H2AZ2: variants seen among roughly 807,000 people sequenced by gnomAD.
The protein encoded by H2AZ2 is histone H2A.V.
Under a neutral mutation model 15.5 loss-of-function variants are expected in H2AZ2, and 5 were observed. The observed-to-expected ratio is 0.32, with a 90% CI of 0.17 to 0.68. The LOEUF is 0.68. Among genes scored for constraint, H2AZ2 ranks in the 30% least tolerant of loss-of-function variants. The probability of loss-of-function intolerance (pLI) is 0.72; values close to 1 mark genes in which losing one functional copy is unlikely to be tolerated. For synonymous variants in H2AZ2, 44 were observed against 57.4 expected (o/e 0.77, Z 1.05); for missense variants, 42 against 162.5 (o/e 0.26, Z 4.03).
chr7:44,834,431 T>A lies in H2AZ2; in HGVS notation c.*70A>T. 2 of 1,544,788 alleles carry A rather than the reference T, an allele frequency of 1.3e-6. No individual in the cohort carries two copies. Among genetic ancestry groups the A allele is most frequent in the East Asian group, 4.5e-5 (2 of 44,010 alleles). ...TAACTGTTGTTAAAAATTCCACATA[T>A]CCCCATTATTTCTTCTGTCCCAGTT... On this transcript the variant is annotated 3_prime_UTR_variant, in exon 5 of 5. Coordinates refer to ENST00000308153, the MANE Select transcript of H2AZ2 (RefSeq NM_012412.5).
chr7:44,837,433 GAAA>G (rs71011996), intron 3 of H2AZ2, among the ~76,000 whole-genome samples: 10,520 of 87,430 alleles, frequency 0.12, 433 homozygotes, highest in Non-Finnish European at 0.13. Flanking sequence ...AAAAAAAAAA[GAAA>G]AAAAAAAAAA....
chr7:44,837,831 A>AG (rs61670696), intron 3 of H2AZ2, among the ~76,000 whole-genome samples: 134 of 53,976 alleles, frequency 2.5e-3, no homozygotes, highest in East Asian at 0.011. Context: ...TTTAAAAAAA[A>AG]GGGGGGGGGG....
Position 44,832,004 on chromosome 7 carries a change from C to T in H2AZ2, c.*2497G>A, listed in dbSNP as rs1241022053. Among the ~76,000 whole-genome samples, 4 of 152,042 alleles carry T rather than the reference C, an allele frequency of 2.6e-5. No homozygotes were observed. Among genetic ancestry groups the T allele is most frequent in the African/African-American group, 9.7e-5 (4 of 41,366 alleles). ...CCTCTAGATCTGTCAGTTTATAGAACATATAGGGGACAGAAAAGGTGTACA... is the reference window on the plus strand; with the variant it reads ...CCTCTAGATCTGTCAGTTTATAGAATATATAGGGGACAGAAAAGGTGTACA... On this transcript the variant is annotated 3_prime_UTR_variant, in exon 5 of 5. Transcript: ENST00000308153.
At chr7:44,846,401 A>T (rs977686932) in intron 1 of H2AZ2, among the ~76,000 whole-genome samples, 1 of 152,100 alleles carries the variant, frequency 6.6e-6, no homozygotes, top group Non-Finnish European at 1.5e-5. Context: ...GCGGATCACA[A>T]GGTCAAGAGA....
intron 1 of H2AZ2, among the ~76,000 whole-genome samples, chr7:44,843,639 A>C (rs1446411992): frequency 6.6e-6 from 1 of 152,130 alleles, no homozygotes; most frequent in Non-Finnish European, 1.5e-5. Flanking sequence ...ACTCACTGCA[A>C]ACTCCACCTC....
chr7:44,843,185 A>G (rs1344661177), intron 2 of H2AZ2, 92 bp downstream of exon 2: 1 of 400,666 alleles, frequency 2.5e-6, no homozygotes, highest in Non-Finnish European at 4.6e-6. Context: ...AGTCTGTAGT[A>G]ATACAAGTAG....
intron 4 of H2AZ2, 57 bp from the exon 5 acceptor site, chr7:44,834,619 A>C: frequency 1.4e-6 from 2 of 1,443,418 alleles, no homozygotes; most frequent in Non-Finnish European, 1.9e-6. Context: ...CCTCAAGTAA[A>C]AAGTTAATTA....
chr7:44,847,729 GATCT>G (rs1397738281), intron 1 of H2AZ2, among the ~76,000 whole-genome samples: 1 of 152,204 alleles, frequency 6.6e-6, no homozygotes, highest in Non-Finnish European at 1.5e-5. Flanking sequence ...CGTCGGGACA[GATCT>G]ATCCGGCTCG....
downstream of H2AZ2, chr7:44,828,449 A>G (rs1165681997): frequency 2.6e-5 from 4 of 152,210 alleles, no homozygotes; most frequent in Admixed American, 2.0e-4. Context: ...AACTGTGCTA[A>G]GTGTCTTACA....
intron 1 of H2AZ2, among the ~76,000 whole-genome samples, chr7:44,847,453 C>A (rs1402147056): frequency 6.6e-6 from 1 of 152,180 alleles, no homozygotes; most frequent in African/African-American, 2.4e-5. Context: ...TAGAACAAAT[C>A]GTGTGGTTCT....
chr7:44,838,195 G>A (rs1452441171), intron 3 of H2AZ2, among the ~76,000 whole-genome samples: 4 of 151,510 alleles, frequency 2.6e-5, no homozygotes, highest in Non-Finnish European at 5.9e-5. Flanking sequence ...GAATGGTCTC[G>A]ATCTCTTGAC....
chr7:44,837,821 T>C (rs937009184), intron 3 of H2AZ2, among the ~76,000 whole-genome samples: 1 of 65,700 alleles, frequency 1.5e-5, no homozygotes, highest in African/African-American at 4.2e-5. Context: ...TTCCCAAAGA[T>C]TTAAAAAAAA....
At chr7:44,836,643 G>C (rs970185622) in intron 3 of H2AZ2, among the ~76,000 whole-genome samples, 1 of 151,896 alleles carries the variant, frequency 6.6e-6, no homozygotes, top group Non-Finnish European at 1.5e-5. Context: ...TCAGCCTCCC[G>C]AGTAGCTGGG....
chr7:44,841,225 T>C (rs1030989589), intron 2 of H2AZ2, among the ~76,000 whole-genome samples: 3 of 152,198 alleles, frequency 2.0e-5, no homozygotes, highest in African/African-American at 7.2e-5. Flanking sequence ...ATGGGAAATA[T>C]CACTCTAAAA....
At position 44,834,241 on chromosome 7, in the gene H2AZ2, A is replaced by C; in HGVS notation, c.*260T>G. On this transcript the variant is annotated 3_prime_UTR_variant, in exon 5 of 5. Transcript: ENST00000308153. Reference sequence around the variant, plus strand: ...TTTTGAGACAAATTAATTTTGTAAAAAATGGTTTATCAATTCCATTTTTGT... The same window carrying C: ...TTTTGAGACAAATTAATTTTGTAAACAATGGTTTATCAATTCCATTTTTGT... 1 of 1,224,456 alleles carries C rather than the reference A, an allele frequency of 8.2e-7. No individual in the cohort carries two copies. The highest frequency in any genetic ancestry group is 1.0e-6 in the Non-Finnish European group (1 of 979,306). The allele number at this position is 1,224,456 out of a possible 1,614,324, so 75.8% of individuals were successfully genotyped here.
intron 1 of H2AZ2, among the ~76,000 whole-genome samples, chr7:44,847,324 T>C: frequency 6.6e-6 from 1 of 152,172 alleles, no homozygotes; most frequent in East Asian, 1.9e-4. Context: ...AAAAGATGAA[T>C]ACTTTAAGAC....
At chr7:44,843,738 T>C (rs943725987) in intron 1 of H2AZ2, among the ~76,000 whole-genome samples, 1 of 152,070 alleles carries the variant, frequency 6.6e-6, no homozygotes, top group African/African-American at 2.4e-5. Context: ...TTTGTATTTT[T>C]AGTAGAGGTG....
intron 2 of H2AZ2, among the ~76,000 whole-genome samples, chr7:44,842,866 C>A (rs750736632): frequency 8.5e-5 from 13 of 152,054 alleles, no homozygotes; most frequent in Non-Finnish European, 1.8e-4. Context: ...CTCAGCCAGG[C>A]GCGGTGGCTC....
chr7:44,838,945 G>A (rs1417611199), intron 3 of H2AZ2, among the ~76,000 whole-genome samples: 2 of 152,136 alleles, frequency 1.3e-5, no homozygotes, highest in African/African-American at 4.8e-5. Context: ...TCCCCAATCT[G>A]GAATGTAGCT....
Sources: allele counts gnomAD v4.1 joint callset (sites outside exome capture counted in the v4.1 genomes callset), GRCh38; gene constraint gnomAD v4.1.1; transcripts MANE v1.5; gene names NCBI Gene and HGNC (gene_info 2026-07-23, HGNC 2026-07-21).